The following ADAM19 variants were observed in gnomAD, a reference collection of about 807,000 sequenced individuals.
ADAM19 encodes disintegrin and metalloproteinase domain-containing protein 19.
A neutral mutation model predicts 114.7 loss-of-function variants in ADAM19; 65 were observed. That is an observed-to-expected ratio of 0.57 (90% CI 0.46 to 0.70). The LOEUF is 0.70. ADAM19 is among the 30% of genes least tolerant of loss of function. ADAM19 has a pLI of 0.00. For missense variants in ADAM19, 1,063 were observed against 1,204.7 expected (o/e 0.88, Z 1.74); for synonymous variants, 466 against 460.5 (o/e 1.01, Z -0.15).
chr5:157,486,829 T>C (rs1369267422), intron 21 of ADAM19, among the ~76,000 whole-genome samples: 4 of 151,954 alleles, frequency 2.6e-5, no homozygotes, highest in Admixed American at 2.6e-4. Context: ...GCCCTAACCC[T>C]GAGTACCTCA....
At chr5:157,488,568 G>C (rs769397051) in intron 20 of ADAM19, 79 bp from the exon 21 acceptor site, 1 of 1,170,760 alleles carries the variant, frequency 8.5e-7, no homozygotes, top group Non-Finnish European at 1.2e-6. Context: ...AGATAAACCA[G>C]AGCCCAAAGG....
At chr5:157,487,997 G>C (rs1755003412) in intron 21 of ADAM19, among the ~76,000 whole-genome samples, 1 of 152,154 alleles carries the variant, frequency 6.6e-6, no homozygotes, top group Admixed American at 6.5e-5. Flanking sequence ...ACTGACAGAA[G>C]TTAATATGGG....
At chr5:157,545,351 G>T (rs536202106) in intron 3 of ADAM19, among the ~76,000 whole-genome samples, 1 of 152,274 alleles carries the variant, frequency 6.6e-6, no homozygotes, top group East Asian at 1.9e-4. Context: ...GGCACCTGGA[G>T]TTGGTCAAGA....
At chr5:157,556,499 G>A (rs1050342517) in intron 3 of ADAM19, among the ~76,000 whole-genome samples, 1 of 151,960 alleles carries the variant, frequency 6.6e-6, no homozygotes, top group African/African-American at 2.4e-5. Flanking sequence ...GATTACAGGC[G>A]TGAGCCACCA....
At chr5:157,520,241 G>T (rs1174816787) in intron 5 of ADAM19, among the ~76,000 whole-genome samples, 4 of 152,068 alleles carry the variant, frequency 2.6e-5, no homozygotes, top group East Asian at 1.9e-4. Context: ...ATAAAAAGTG[G>T]TGCATGAGCT....
chr5:157,481,970 T>C lies in ADAM19; in HGVS notation c.2551-27A>G, dbSNP rs372332721. 129 of 1,546,588 alleles carry C rather than the reference T, an allele frequency of 8.3e-5. No homozygotes were observed. The African/African-American group carries it at 1.6e-3, about 19-fold the overall frequency. On this transcript the variant is annotated intron_variant, in intron 21 of 22. Coordinates refer to ENST00000257527, the MANE Select transcript of ADAM19 (RefSeq NM_033274.5). ...TGGAGAGAAAGCAATAAGCCTCACT[T>C]GAAGGCCAGAGGCCTGTTTGAAAGA... is the stretch of plus-strand genomic sequence containing the variant.
At chr5:157,506,149 A>G (rs542044222) in intron 10 of ADAM19, among the ~76,000 whole-genome samples, 5 of 152,322 alleles carry the variant, frequency 3.3e-5, no homozygotes, top group Non-Finnish European at 5.9e-5. Context: ...AGACATAAGG[A>G]AATCAACATA....
Position 157,502,919 on chromosome 5 carries a change from A to G in ADAM19, c.1192T>C (p.Ser398Pro). The G allele has an allele frequency of 6.2e-7, 1 of 1,614,044 alleles. No individual in the cohort carries two copies. The highest frequency in any genetic ancestry group is 8.5e-7 in the Non-Finnish European group (1 of 1,180,004). The change falls in exon 12 of 23, where the codon TCA (serine) becomes CCA (proline). Residue 398 changes from serine (S) to proline (P), a missense_variant. Physicochemically the swap from Ser to Pro is moderately conservative, Grantham distance 74. Transcript: ENST00000257527. ...NRRELDRYLQ[S>P]GGGMCLSNMP... The stretch of plus-strand genomic sequence containing the variant: ...TTGGAGAGACACATTCCACCACCTG[A>G]CTGCAGATACCTGTCCAGCTCCCTC...
Position 157,483,612 on chromosome 5 carries a change from G to A in ADAM19, c.2551-1669C>T, listed in dbSNP as rs149427287. Among the ~76,000 whole-genome samples the A allele has an allele frequency of 2.7e-3, 414 of 151,604 alleles. 7 individuals are homozygous for A. Among genetic ancestry groups the A allele is most frequent in the African/African-American group, 8.7e-3 (361 of 41,380 alleles). On this transcript the variant is annotated intron_variant, in intron 21 of 22. Coordinates refer to ENST00000257527, the MANE Select transcript of ADAM19 (RefSeq NM_033274.5). ...CACTGGGATGGGGTGCAAAAGGGGA[G>A]GGGTGTGTTCCAGGTGAACATTCCA...
rs36056270 is a variant in ADAM19 at position 157,478,290 on chromosome 5, C to CAAAAAAAAAAAAAA, written c.*2645_*2658dup. The CAAAAAAAAAAAAAA allele has an allele frequency of 1.4e-5, 1 of 69,390 alleles. No homozygotes were observed. The highest frequency in any genetic ancestry group is 1.8e-4 in the Admixed American group (1 of 5,482). The allele number at this position is 69,390 out of a possible 1,614,324, so 4.3% of individuals were successfully genotyped here. A position where few individuals can be genotyped will look rare whatever the true frequency, so the allele number is the denominator to read the frequency against. On this transcript the variant is annotated 3_prime_UTR_variant, in exon 23 of 23. Coordinates refer to ENST00000257527, the MANE Select transcript of ADAM19 (RefSeq NM_033274.5). The stretch of plus-strand genomic sequence containing the variant: ...CAGCAAACAGCCCCTCCCCTGGAGA[C>CAAAAAAAAAAAAAA]AAAAAAAAAAAAAAAAAAAAAAAGG...
rs1020298423 is a variant in ADAM19 at position 157,564,555 on chromosome 5, G to C, written c.181-112C>G. 3 of 905,486 alleles carry C rather than the reference G, an allele frequency of 3.3e-6. No individual in the cohort carries two copies. In the African/African-American group the frequency reaches 4.9e-5, roughly 15 times the overall value. The allele number at this position is 905,486 out of a possible 1,614,324, so 56.1% of individuals were successfully genotyped here. On this transcript the variant is annotated intron_variant, in intron 2 of 22. Coordinates refer to ENST00000257527, the MANE Select transcript of ADAM19 (RefSeq NM_033274.5). Reference sequence around the variant, plus strand: ...ACATTGATCCACAGGAAGTGAATGAGCAAAGGTCAATTGCATTTCCAGCCC... The same window carrying C: ...ACATTGATCCACAGGAAGTGAATGACCAAAGGTCAATTGCATTTCCAGCCC...
chr5:157,490,153 C>G (rs554394060), intron 19 of ADAM19, among the ~76,000 whole-genome samples, 157 bp downstream of exon 19: 1 of 152,170 alleles, frequency 6.6e-6, no homozygotes, highest in African/African-American at 2.4e-5. Flanking sequence ...ACTAGTAATG[C>G]CTGTCACAGT....
Position 157,479,247 on chromosome 5 carries a change from C to A in ADAM19, c.*1702G>T. The A allele has an allele frequency of 1.0e-6, 1 of 985,868 alleles. No homozygotes were observed. Among genetic ancestry groups the A allele is most frequent in the Admixed American group, 6.1e-5 (1 of 16,276 alleles). The allele number at this position is 985,868 out of a possible 1,614,324, so 61.1% of individuals were successfully genotyped here. ...AGGCTTTTCCCCCAGGGGTACATCCCGTATTTTCCACTTATTTCCAAACCC... is the reference window on the plus strand; with the variant it reads ...AGGCTTTTCCCCCAGGGGTACATCCAGTATTTTCCACTTATTTCCAAACCC... On this transcript the variant is annotated 3_prime_UTR_variant, in exon 23 of 23. Coordinates refer to ENST00000257527, the MANE Select transcript of ADAM19 (RefSeq NM_033274.5).
chr5:157,500,991 T>A (rs893678680), intron 12 of ADAM19, among the ~76,000 whole-genome samples: 1 of 152,148 alleles, frequency 6.6e-6, no homozygotes, highest in Non-Finnish European at 1.5e-5. Context: ...TGAATTCAAG[T>A]CAGGTCTGCC....
chr5:157,540,603 T>C (rs1756890596), intron 3 of ADAM19, among the ~76,000 whole-genome samples: 1 of 152,184 alleles, frequency 6.6e-6, no homozygotes, highest in African/African-American at 2.4e-5. Context: ...CTTGTGTCTT[T>C]GAAGTCTTCT....
chr5:157,514,743 G>A (rs1756041837), intron 7 of ADAM19, among the ~76,000 whole-genome samples: 1 of 152,118 alleles, frequency 6.6e-6, no homozygotes, highest in Non-Finnish European at 1.5e-5. Context: ...TACCATTCCT[G>A]CCTCAAAAAG....
chr5:157,557,978 T>A (rs1054891927), intron 3 of ADAM19, among the ~76,000 whole-genome samples: 2 of 152,184 alleles, frequency 1.3e-5, no homozygotes, highest in African/African-American at 4.8e-5. Context: ...AAAAATCACA[T>A]CAGACTGGCT....
chr5:157,501,164 G>A (rs996100861), intron 12 of ADAM19, among the ~76,000 whole-genome samples: 2 of 152,090 alleles, frequency 1.3e-5, no homozygotes, highest in South Asian at 2.1e-4. Flanking sequence ...ACCATGTTGG[G>A]CTCCAGGAAG....
intron 4 of ADAM19, among the ~76,000 whole-genome samples, chr5:157,536,708 T>C (rs1756777455): frequency 2.0e-5 from 3 of 152,192 alleles, no homozygotes; most frequent in Admixed American, 1.3e-4. Flanking sequence ...TCTGAGCTGT[T>C]AATGACTGAT....
Sources: allele counts gnomAD v4.1 joint callset (sites outside exome capture counted in the v4.1 genomes callset), GRCh38; gene constraint gnomAD v4.1.1; transcripts MANE v1.5; gene names NCBI Gene and HGNC (gene_info 2026-07-23, HGNC 2026-07-21).